NXPE4: variants seen among roughly 807,000 people sequenced by gnomAD.
NXPE4 encodes the protein NXPE family member 4.
In NXPE4, 42 loss-of-function variants were observed where a neutral mutation model predicts 33.3. That is an observed-to-expected ratio of 1.26 (90% CI 0.98 to 1.63). The LOEUF is 1.63. NXPE4 is among the 40% of genes most tolerant of loss of function. NXPE4 has a pLI of 0.00. For synonymous variants in NXPE4, 253 were observed against 234.9 expected, an observed-to-expected ratio of 1.08 and a Z score of -0.71; for missense variants, 709 against 647.6, an observed-to-expected ratio of 1.09 and a Z score of -1.03.
At chr11:114,612,635 G>C in the NXPE4 span, among the ~76,000 whole-genome samples, 1 of 151,930 alleles carries the variant, frequency 6.6e-6, no homozygotes, top group Non-Finnish European at 1.5e-5. Context: ...AATAAGTATT[G>C]CCTCGTGGGT....
chr11:114,637,197 G>C, the NXPE4 span, among the ~76,000 whole-genome samples: 285 of 151,994 alleles, frequency 1.9e-3, 2 homozygotes, highest in African/African-American at 5.5e-3. Flanking sequence ...TTGTTGAGTT[G>C]ATCCCTTTAC....
At chr11:114,657,988 C>T in the NXPE4 span, among the ~76,000 whole-genome samples, 5 of 152,242 alleles carry the variant, frequency 3.3e-5, no homozygotes, top group Non-Finnish European at 7.4e-5. Context: ...TAACTTATTG[C>T]TTTCTTTAAG....
the NXPE4 span, among the ~76,000 whole-genome samples, chr11:114,677,038 T>A: frequency 1.3e-4 from 20 of 152,010 alleles, no homozygotes; most frequent in African/African-American, 3.6e-4. Flanking sequence ...AACTATTGCA[T>A]TATCTCATTT....
the NXPE4 span, among the ~76,000 whole-genome samples, chr11:114,629,792 C>A: frequency 2.0e-5 from 3 of 150,932 alleles, no homozygotes; most frequent in African/African-American, 4.9e-5. Context: ...AGCCCAAAAT[C>A]TCCTCAAGCT....
chr11:114,639,737 AATAAT>A, the NXPE4 span, among the ~76,000 whole-genome samples: 28 of 105,564 alleles, frequency 2.7e-4, no homozygotes, highest in Non-Finnish European at 3.7e-4. Flanking sequence ...TATAATATAA[AATAAT>A]ATATAATATA....
the NXPE4 span, among the ~76,000 whole-genome samples, chr11:114,647,212 C>T: frequency 5.3e-5 from 8 of 152,282 alleles, no homozygotes; most frequent in East Asian, 1.9e-4. Flanking sequence ...CTTCTACATT[C>T]GTAGATTTGG....
chr11:114,586,832 TA>T (rs1949311704), intron 2 of NXPE4, among the ~76,000 whole-genome samples: 1 of 152,190 alleles, frequency 6.6e-6, no homozygotes, highest in African/African-American at 2.4e-5. Flanking sequence ...TGCAATGCTT[TA>T]AAAATTTTTA....
At chr11:114,577,070 TAA>T (rs1949022397) in intron 5 of NXPE4, among the ~76,000 whole-genome samples, 1 of 118,534 alleles carries the variant, frequency 8.4e-6, no homozygotes, top group Non-Finnish European at 1.7e-5. Flanking sequence ...TATATATATA[TAA>T]AGTTATATAT....
chr11:114,626,911 G>A, the NXPE4 span, among the ~76,000 whole-genome samples: 1 of 151,994 alleles, frequency 6.6e-6, no homozygotes. Context: ...CTGGAAGAAA[G>A]GGTATCAGTG....
At chr11:114,571,581 T>C (rs1310177925) in intron 5 of NXPE4, 108 bp from the exon 6 acceptor site, 2 of 1,045,570 alleles carry the variant, frequency 1.9e-6, no homozygotes, top group Non-Finnish European at 2.8e-6. Context: ...AAGCTAATCA[T>C]GTCTAATTTA....
At chr11:114,605,137 G>T in the NXPE4 span, among the ~76,000 whole-genome samples, 1 of 151,768 alleles carries the variant, frequency 6.6e-6, no homozygotes, top group African/African-American at 2.4e-5. Flanking sequence ...TTGCCTTGTG[G>T]GTAAGCACTG....
chr11:114,587,132 A>G (rs1440255467), intron 2 of NXPE4, among the ~76,000 whole-genome samples: 1 of 152,110 alleles, frequency 6.6e-6, no homozygotes, highest in Non-Finnish European at 1.5e-5. Context: ...GCCCCTCTAC[A>G]AGAGACCAGG....
At chr11:114,631,304 A>C in the NXPE4 span, among the ~76,000 whole-genome samples, 1 of 151,898 alleles carries the variant, frequency 6.6e-6, no homozygotes, top group Non-Finnish European at 1.5e-5. Flanking sequence ...CTGGATTAAG[A>C]AAATGTGGCA....
At chr11:114,675,864 G>A in the NXPE4 span, among the ~76,000 whole-genome samples, 1 of 151,908 alleles carries the variant, frequency 6.6e-6, no homozygotes, top group African/African-American at 2.4e-5. Flanking sequence ...GCAAGCTCTA[G>A]TAATCAAAAC....
In NXPE4 at chr11:114,582,797, AG is replaced by A. The variant is rs1949185379; in HGVS notation, c.320del (p.Pro107LeufsTer17). ...GGTCTCCCCTGCAGTACGTATCTCGAGGGTTGAGGATGGTGGCTGTGCTATG... is the reference window on the plus strand; with the variant it reads ...GGTCTCCCCTGCAGTACGTATCTCGAGGTTGAGGATGGTGGCTGTGCTATG... The part of the protein sequence containing the change: ...ATHSTATILN[P>X]RDTYCRGDQL... On this transcript the variant is annotated frameshift_variant, in exon 3 of 6. Transcript: ENST00000375478. LOFTEE classifies it high-confidence loss of function. 6.2e-7 allele frequency: 1 copy of A among 1,613,766 alleles called. No homozygotes were observed. Among genetic ancestry groups the A allele is most frequent in the African/African-American group, 1.3e-5 (1 of 74,932 alleles).
chr11:114,634,794 G>C, the NXPE4 span, among the ~76,000 whole-genome samples: 1 of 151,944 alleles, frequency 6.6e-6, no homozygotes, highest in Middle Eastern at 3.2e-3. Flanking sequence ...CATTATTTCT[G>C]AGGGCTCTGT....
At chr11:114,615,665 G>A in the NXPE4 span, among the ~76,000 whole-genome samples, 466 of 151,258 alleles carry the variant, frequency 3.1e-3, 6 homozygotes, top group Non-Finnish European at 4.9e-3. Context: ...ACTGTTACCC[G>A]ATGGATAATA....
chr11:114,631,735 C>T, the NXPE4 span, among the ~76,000 whole-genome samples: 12 of 151,682 alleles, frequency 7.9e-5, no homozygotes, highest in African/African-American at 1.7e-4. Context: ...AGTATTGCCT[C>T]GTGGGTAACC....
chr11:114,665,812 T>A, the NXPE4 span, among the ~76,000 whole-genome samples: 1 of 152,152 alleles, frequency 6.6e-6, no homozygotes, highest in Non-Finnish European at 1.5e-5. Flanking sequence ...TCCCTTCCTA[T>A]CACATTACTG....
Sources: allele counts gnomAD v4.1 joint callset (sites outside exome capture counted in the v4.1 genomes callset), GRCh38; gene constraint gnomAD v4.1.1; transcripts MANE v1.5; gene names NCBI Gene and HGNC (gene_info 2026-07-23, HGNC 2026-07-21).